CNTN3: variants seen among roughly 807,000 people sequenced by gnomAD.
The protein encoded by CNTN3 is contactin 3, also known as contactin-3.
In CNTN3, 60 loss-of-function variants were observed where a neutral mutation model predicts 119.1. The ratio of observed to expected loss-of-function variants is 0.50; its 90% CI spans 0.41 to 0.62. The LOEUF is 0.62. Among genes scored for constraint, CNTN3 ranks in the 20% least tolerant of loss-of-function variants. The pLI, the probability that CNTN3 is intolerant of heterozygous loss-of-function variation, is 0.00. For missense variants in CNTN3, 1,101 were observed against 1,242.4 expected (o/e 0.89, Z 1.71); for synonymous variants, 450 against 438.7 (o/e 1.03, Z -0.32).
chr3:74,397,084 G>T (rs1249832614), intron 5 of CNTN3, among the ~76,000 whole-genome samples: 3 of 152,184 alleles, frequency 2.0e-5, no homozygotes, highest in Non-Finnish European at 4.4e-5. Flanking sequence ...TGACTCTCTT[G>T]TTAGGAACTA....
chr3:74,345,458 T>C (rs1385496148), intron 11 of CNTN3, among the ~76,000 whole-genome samples: 6 of 152,184 alleles, frequency 3.9e-5, no homozygotes, highest in Non-Finnish European at 5.9e-5. Context: ...CTCCAAGGCT[T>C]CTAAAAACAT....
intron 4 of CNTN3, among the ~76,000 whole-genome samples, chr3:74,431,428 T>G (rs532696624): frequency 2.4e-4 from 36 of 152,270 alleles, no homozygotes; most frequent in African/African-American, 8.4e-4. Flanking sequence ...CTGTACGACT[T>G]AAAATCAACC....
chr3:74,467,702 C>T (rs1013426156), intron 4 of CNTN3, among the ~76,000 whole-genome samples: 1 of 152,072 alleles, frequency 6.6e-6, no homozygotes, highest in East Asian at 1.9e-4. Flanking sequence ...TTTATATATA[C>T]CACCCAAGCA....
At chr3:74,379,739 G>C (rs180889685) in intron 5 of CNTN3, among the ~76,000 whole-genome samples, 1 of 152,242 alleles carries the variant, frequency 6.6e-6, no homozygotes, top group East Asian at 1.9e-4. Flanking sequence ...GAAGTGTAAT[G>C]ATGGGACCAA....
chr3:74,340,238 T>C (rs760133675), intron 11 of CNTN3, among the ~76,000 whole-genome samples: 1 of 152,116 alleles, frequency 6.6e-6, no homozygotes, highest in Admixed American at 6.6e-5. Context: ...GGAAATACTA[T>C]GTACACATAT....
At position 74,271,546 on chromosome 3, in the gene CNTN3, C is replaced by G. The variant is rs778250214; in HGVS notation, c.2705-4168G>C. ...GTGGTAACAGTGAAGCTGGCATTTA[C>G]TTTCAAAATATGAAATTTTAAGAAC... On this transcript the variant is annotated intron_variant, in intron 20 of 22. Coordinates refer to ENST00000263665, the MANE Select transcript of CNTN3 (RefSeq NM_020872.3). Among the ~76,000 whole-genome samples, 28 of 152,288 alleles carry G rather than the reference C, an allele frequency of 1.8e-4. 1 individual carries two copies. The South Asian group carries it at 1.9e-3, about 10-fold the overall frequency.
At chr3:74,497,848 C>T (rs1703092821) in intron 3 of CNTN3, among the ~76,000 whole-genome samples, 1 of 151,788 alleles carries the variant, frequency 6.6e-6, no homozygotes, top group Non-Finnish European at 1.5e-5. Flanking sequence ...TCTTTATCAA[C>T]ATTTTACATG....
At chr3:74,284,135 A>G (rs749373824) in intron 20 of CNTN3, among the ~76,000 whole-genome samples, 5 of 152,192 alleles carry the variant, frequency 3.3e-5, no homozygotes, top group African/African-American at 4.8e-5. Flanking sequence ...ACTGTCTTAC[A>G]TTACTTTAAG....
intron 18 of CNTN3, among the ~76,000 whole-genome samples, chr3:74,297,581 AG>A (rs1425181194): frequency 4.6e-5 from 7 of 152,200 alleles, no homozygotes; most frequent in Admixed American, 2.0e-4. Context: ...ACTTTACATA[AG>A]GCAAGGCGAA....
At chr3:74,409,585 C>T (rs1701405070) in intron 5 of CNTN3, among the ~76,000 whole-genome samples, 1 of 151,874 alleles carries the variant, frequency 6.6e-6, no homozygotes, top group Non-Finnish European at 1.5e-5. Context: ...TCTTAGAAGT[C>T]TGTCCCTAAG....
At chr3:74,481,059 G>A (rs1702754848) in intron 4 of CNTN3, among the ~76,000 whole-genome samples, 1 of 151,764 alleles carries the variant, frequency 6.6e-6, no homozygotes, top group Non-Finnish European at 1.5e-5. Flanking sequence ...CTCTATTGAA[G>A]ATAGTGTCAC....
intron 1 of CNTN3, among the ~76,000 whole-genome samples, chr3:74,528,308 T>C (rs928430869): frequency 2.6e-5 from 4 of 151,812 alleles, no homozygotes; most frequent in Non-Finnish European, 4.4e-5. Flanking sequence ...AATAGCTTTA[T>C]AATATAATAT....
At chr3:74,590,603 T>C (rs1337549181) in intron 1 of CNTN3, among the ~76,000 whole-genome samples, 1 of 152,000 alleles carries the variant, frequency 6.6e-6, no homozygotes, top group African/African-American at 2.4e-5. Context: ...CCAGGGTCTT[T>C]AGAGGATACA....
chr3:74,532,553 T>G (rs1481548342), intron 1 of CNTN3, among the ~76,000 whole-genome samples: 1 of 151,940 alleles, frequency 6.6e-6, no homozygotes, highest in Non-Finnish European at 1.5e-5. Context: ...CACTGCAATA[T>G]GGCAACAGTT....
At position 74,521,141 on chromosome 3, in the gene CNTN3, T is replaced by G; in HGVS notation, c.-29A>C. 2 of 1,470,886 alleles carry G rather than the reference T, an allele frequency of 1.4e-6. No homozygotes were observed. The highest frequency in any genetic ancestry group is 1.9e-6 in the Non-Finnish European group (2 of 1,060,498). 91.1% of individuals were successfully genotyped at this position (1,470,886 alleles called of 1,614,324 possible). A position where few individuals can be genotyped will look rare whatever the true frequency, so the allele number is the denominator to read the frequency against. On this transcript the variant is annotated 5_prime_UTR_variant, in exon 2 of 23. Transcript: ENST00000263665. ...TAATTGCCAAATGCAAGAGTAACTCTTGTCCAGTCTCTGATGAATAGAATG... is the reference window on the plus strand; with the variant it reads ...TAATTGCCAAATGCAAGAGTAACTCGTGTCCAGTCTCTGATGAATAGAATG...
In CNTN3 at chr3:74,285,790, G is replaced by GATATGTAT. The variant is rs1702099889; in HGVS notation, c.2518-300_2518-299insATACATAT. Reference sequence around the variant, plus strand: ...ATTATAAGTGGGAGAATGAAGGGGAGATATATATATATATATATATATATA... The same window carrying GATATGTAT: ...ATTATAAGTGGGAGAATGAAGGGGAGATATGTATATATATATATATATATATATATATA... On this transcript the variant is annotated intron_variant, in intron 19 of 22. Coordinates refer to ENST00000263665, the MANE Select transcript of CNTN3 (RefSeq NM_020872.3). Among the ~76,000 whole-genome samples, 85 of 56,546 alleles carry GATATGTAT rather than the reference G, an allele frequency of 1.5e-3. 2 individuals carry two copies. The highest frequency in any genetic ancestry group is 4.4e-3 in the South Asian group (4 of 914). 37.1% of individuals were successfully genotyped at this position (56,546 alleles called of 152,430 possible). A position where few individuals can be genotyped will look rare whatever the true frequency, so the allele number is the denominator to read the frequency against.
chr3:74,285,183 T>C, intron 20 of CNTN3, 122 bp downstream of exon 20: 2 of 1,056,820 alleles, frequency 1.9e-6, no homozygotes, highest in Non-Finnish European at 2.7e-6. Context: ...GGTTTTGGAG[T>C]TAGGTTTATA....
intron 4 of CNTN3, among the ~76,000 whole-genome samples, chr3:74,476,649 G>C (rs1379500590): frequency 6.6e-6 from 1 of 152,008 alleles, no homozygotes; most frequent in Non-Finnish European, 1.5e-5. Flanking sequence ...AAATACTTTA[G>C]AGTTAAACAA....
intron 4 of CNTN3, among the ~76,000 whole-genome samples, chr3:74,475,155 T>A (rs1702632726): frequency 6.6e-6 from 1 of 152,056 alleles, no homozygotes. Flanking sequence ...TACTCCTTAT[T>A]GCTTAAACAA....
Sources: gnomAD v4.1 joint callset for allele counts (sites outside exome capture counted in the v4.1 genomes callset) on GRCh38, gnomAD v4.1.1 for gene constraint, MANE v1.5 for transcripts, NCBI Gene and HGNC (gene_info 2026-07-23, HGNC 2026-07-21) for gene names.